The following MED27 variants were observed in gnomAD, a reference collection of about 807,000 sequenced individuals.
The protein encoded by MED27 is mediator complex subunit 27.
MED27 carries 30 observed loss-of-function variants against 38.2 expected under a neutral mutation model. The observed-to-expected ratio is 0.79, with a 90% CI of 0.59 to 1.07. The LOEUF (loss-of-function observed/expected upper bound fraction) is 1.07, where lower values mean the gene tolerates loss of function less well. Among genes scored for constraint, MED27 ranks in the 50% least tolerant of loss-of-function variants. The pLI, the probability that MED27 is intolerant of heterozygous loss-of-function variation, is 0.00. For synonymous variants in MED27, 122 were observed against 153.5 expected, an observed-to-expected ratio of 0.79 and a Z score of 1.52; for missense variants, 289 against 397.5, an observed-to-expected ratio of 0.73 and a Z score of 2.32.
rs143051387 is a variant in MED27, at chr9:131,901,474, C to T, written c.574-7482G>A. On this transcript the variant is annotated intron_variant, in intron 4 of 7. Coordinates refer to ENST00000292035, the MANE Select transcript of MED27 (RefSeq NM_004269.4). Reference sequence around the variant, plus strand: ...GAAGGTAACAAAATCGACATATGCCCGGAGTCACTGGAGGGCACCTAAAGT... The same window carrying T: ...GAAGGTAACAAAATCGACATATGCCTGGAGTCACTGGAGGGCACCTAAAGT... Among the ~76,000 whole-genome samples the T allele has an allele frequency of 4.6e-3, 700 of 152,256 alleles. 5 individuals are homozygous for T. The highest frequency in any genetic ancestry group is 0.016 in the African/African-American group (651 of 41,552).
chr9:132,010,642 T>C (rs892308918), intron 3 of MED27, among the ~76,000 whole-genome samples: 3 of 152,162 alleles, frequency 2.0e-5, no homozygotes, highest in Non-Finnish European at 4.4e-5. Context: ...TAAATGTCCA[T>C]CAATGATAGA....
intron 4 of MED27, among the ~76,000 whole-genome samples, chr9:131,908,574 T>A (rs1340231962): frequency 6.6e-6 from 1 of 152,168 alleles, no homozygotes; most frequent in Non-Finnish European, 1.5e-5. Context: ...TCTGTGACCT[T>A]ACCCCCAACC....
At chr9:131,874,176 C>T (rs916549832) in intron 6 of MED27, among the ~76,000 whole-genome samples, 4 of 152,222 alleles carry the variant, frequency 2.6e-5, no homozygotes, top group East Asian at 3.8e-4. Flanking sequence ...TCCTGGCGCA[C>T]GTCTGTGCTC....
chr9:131,905,569 A>G (rs1024424180), intron 4 of MED27, among the ~76,000 whole-genome samples: 13 of 152,224 alleles, frequency 8.5e-5, no homozygotes, highest in African/African-American at 3.1e-4. Context: ...ACGGTGGCTC[A>G]TGCCTGTAAT....
At chr9:132,013,062 T>A in intron 3 of MED27, among the ~76,000 whole-genome samples, 1 of 152,206 alleles carries the variant, frequency 6.6e-6, no homozygotes, top group South Asian at 2.1e-4. Context: ...GGAACGCTTC[T>A]CGGGCATCTG....
At chr9:132,008,263 T>C (rs138047475) in intron 3 of MED27, among the ~76,000 whole-genome samples, 1,995 of 152,312 alleles carry the variant, frequency 0.013, 40 homozygotes, top group African/African-American at 0.044. Context: ...AATACATAGA[T>C]ATCTCAATAT....
intron 6 of MED27, chr9:131,869,464 G>T (rs771109147): frequency 1.1e-6 from 1 of 948,062 alleles, no homozygotes; most frequent in Middle Eastern, 5.5e-4. Flanking sequence ...GTCCCATTGT[G>T]CGGCAAAGCT....
chr9:131,968,319 C>T (rs980485746), intron 3 of MED27, among the ~76,000 whole-genome samples: 1 of 151,696 alleles, frequency 6.6e-6, no homozygotes, highest in African/African-American at 2.4e-5. Context: ...ACAAAAAGTA[C>T]AAAAATTAGC....
chr9:132,041,199 A>G (rs764981194), intron 2 of MED27, among the ~76,000 whole-genome samples: 1 of 152,236 alleles, frequency 6.6e-6, no homozygotes, highest in Non-Finnish European at 1.5e-5. Flanking sequence ...GTGGGCTGTG[A>G]GGGAGACGAC....
intron 3 of MED27, among the ~76,000 whole-genome samples, chr9:131,960,325 C>T (rs1726778583): frequency 6.6e-6 from 1 of 152,150 alleles, no homozygotes; most frequent in South Asian, 2.1e-4. Flanking sequence ...TCAATCACTC[C>T]GTTTAATGCT....
rs540254189 is a variant in MED27, at chr9:131,894,944, T to C, written c.574-952A>G. ...CAGCTCCCTCGAGAGTGGCTTGTTA[T>C]AAAGCCAGGATACCCCTTGGGTTTT... On this transcript the variant is annotated intron_variant, in intron 4 of 7. Transcript: ENST00000292035. Among the ~76,000 whole-genome samples, 3 of 152,264 alleles carry C rather than the reference T, an allele frequency of 2.0e-5. No individual in the cohort carries two copies. In the South Asian group the frequency reaches 6.2e-4, roughly 32 times the overall value.
intron 5 of MED27, among the ~76,000 whole-genome samples, chr9:131,892,009 G>C (rs1416529025): frequency 6.6e-6 from 1 of 152,140 alleles, no homozygotes; most frequent in East Asian, 1.9e-4. Context: ...GAGGGAAACT[G>C]AGTGTAGGGA....
At position 131,875,512 on chromosome 9, in the gene MED27, G is replaced by A. The variant is rs146013465; in HGVS notation, c.723+8546C>T. On this transcript the variant is annotated intron_variant, in intron 6 of 7. Transcript: ENST00000292035. ...GGTGGTCACTGAGGAAGAGGCCTGC[G>A]GGAGGAAGCCTGCCCACAGGGGATG... 4.3e-3 allele frequency among the ~76,000 whole-genome samples: 650 copies of A among 152,156 alleles called. 3 individuals are homozygous for A. Among genetic ancestry groups the A allele is most frequent in the Middle Eastern group, 0.021 (6 of 292 alleles).
intron 4 of MED27, among the ~76,000 whole-genome samples, chr9:131,916,452 G>A (rs1830289883): frequency 6.6e-6 from 1 of 152,168 alleles, no homozygotes; most frequent in African/African-American, 2.4e-5. Context: ...CATCATTTTT[G>A]CGGCACATTA....
At chr9:131,979,908 A>T (rs960653524) in intron 3 of MED27, among the ~76,000 whole-genome samples, 1 of 151,954 alleles carries the variant, frequency 6.6e-6, no homozygotes, top group African/African-American at 2.4e-5. Flanking sequence ...TCCTTAGGCT[A>T]CTTGGTTTGC....
At chr9:132,035,341 T>C (rs1001872036) in intron 2 of MED27, among the ~76,000 whole-genome samples, 5 of 152,154 alleles carry the variant, frequency 3.3e-5, no homozygotes, top group Non-Finnish European at 5.9e-5. Context: ...AGGACAGTAC[T>C]GGGAATAAGC....
chr9:132,013,343 G>A (rs750138644), intron 3 of MED27, among the ~76,000 whole-genome samples: 1 of 152,202 alleles, frequency 6.6e-6, no homozygotes, highest in Non-Finnish European at 1.5e-5. Context: ...GCATGATTCC[G>A]TTTAAATGAA....
rs183824934 is a variant in MED27, at chr9:131,883,457, C to A, written c.723+601G>T. Among the ~76,000 whole-genome samples the A allele has an allele frequency of 2.0e-5, 3 of 152,080 alleles. No homozygotes were observed. In the East Asian group the frequency reaches 5.8e-4, roughly 29 times the overall value. On this transcript the variant is annotated intron_variant, in intron 6 of 7. Transcript: ENST00000292035. This position sits in a 1 kb window ranked among gnomAD's most constrained non-coding sequence, Gnocchi z 4.2. ...AATTTTCTCTGGTCACTTTTCATTT[C>A]GTCTGACATTTCCCATAACAGTTTT...
intron 3 of MED27, among the ~76,000 whole-genome samples, chr9:131,963,281 G>T (rs76137266): frequency 6.6e-6 from 1 of 152,020 alleles, no homozygotes; most frequent in Non-Finnish European, 1.5e-5. Flanking sequence ...AAGTTTTAGC[G>T]TAGAGAACAA....
Sources: allele counts gnomAD v4.1 joint callset (sites outside exome capture counted in the v4.1 genomes callset), GRCh38; gene constraint gnomAD v4.1.1; non-coding constraint Gnocchi (gnomAD v3.1); transcripts MANE v1.5; gene names NCBI Gene and HGNC (gene_info 2026-07-23, HGNC 2026-07-21).